HIVEP2: variants seen among roughly 807,000 people sequenced by gnomAD.
HIVEP2 encodes transcription factor HIVEP2.
In HIVEP2, 14 loss-of-function variants were observed where a neutral mutation model predicts 180.7. The observed-to-expected ratio is 0.08, with a 90% CI of 0.05 to 0.12. HIVEP2 has a LOEUF of 0.12. Ranked by LOEUF, HIVEP2 falls within the 10% of genes least tolerant of loss-of-function variation. The probability of loss-of-function intolerance (pLI) is 1.00; values close to 1 mark genes in which losing one functional copy is unlikely to be tolerated. For missense variants in HIVEP2, 2,579 were observed against 3,008.5 expected, an observed-to-expected ratio of 0.86 and a Z score of 3.34; for synonymous variants, 1,184 against 1,136.4, an observed-to-expected ratio of 1.04 and a Z score of -0.84.
intron 2 of HIVEP2, among the ~76,000 whole-genome samples, chr6:142,798,754 A>T (rs1056565589): frequency 1.1e-4 from 16 of 152,130 alleles, no homozygotes; most frequent in Admixed American, 1.0e-3. Context: ...ACAATTCACC[A>T]GCTATGAGAT....
At chr6:142,906,646 G>A (rs945986784) in intron 1 of HIVEP2, among the ~76,000 whole-genome samples, 5 of 151,890 alleles carry the variant, frequency 3.3e-5, no homozygotes, top group Non-Finnish European at 5.9e-5. Context: ...GCAATAAGGG[G>A]ATTTTTAGAA....
At chr6:142,924,264 C>T (rs190129876) in intron 1 of HIVEP2, among the ~76,000 whole-genome samples, 6 of 152,158 alleles carry the variant, frequency 3.9e-5, no homozygotes, top group African/African-American at 9.6e-5. Flanking sequence ...AAATTATGAC[C>T]GAAGACTACA....
intron 1 of HIVEP2, among the ~76,000 whole-genome samples, chr6:142,869,396 A>G (rs1238078861): frequency 6.6e-6 from 1 of 152,244 alleles, no homozygotes; most frequent in Non-Finnish European, 1.5e-5. Flanking sequence ...TATAGTATCA[A>G]CTATGTACAA....
At chr6:142,904,777 G>A (rs1777221870) in intron 1 of HIVEP2, among the ~76,000 whole-genome samples, 1 of 152,110 alleles carries the variant, frequency 6.6e-6, no homozygotes, top group African/African-American at 2.4e-5. Context: ...AGCAAGATCA[G>A]TTTATTATCC....
chr6:142,861,927 G>A (rs2114957605), intron 1 of HIVEP2, among the ~76,000 whole-genome samples: 1 of 152,302 alleles, frequency 6.6e-6, no homozygotes, highest in Admixed American at 6.5e-5. Context: ...GCTGCAGGAA[G>A]ATGGGGGAAA....
At chr6:142,783,326 CAAAAAA>C (rs567202980) in intron 3 of HIVEP2, among the ~76,000 whole-genome samples, 189 bp downstream of exon 3, 3 of 71,068 alleles carry the variant, frequency 4.2e-5, no homozygotes, top group Non-Finnish European at 7.4e-5. Context: ...GACTCCGTCA[CAAAAAA>C]AAAAAAAAAA....
chr6:142,793,429 GGAAATT>G (rs1776188250), intron 2 of HIVEP2, among the ~76,000 whole-genome samples: 1 of 151,992 alleles, frequency 6.6e-6, no homozygotes. Flanking sequence ...ATTTAACAAA[GGAAATT>G]GATGACGATA....
At chr6:142,916,223 T>C (rs1156272162) in intron 1 of HIVEP2, among the ~76,000 whole-genome samples, 1 of 152,248 alleles carries the variant, frequency 6.6e-6, no homozygotes, top group Non-Finnish European at 1.5e-5. Context: ...GATCCAATCT[T>C]GCCACCCTCC....
At chr6:142,868,050 A>C (rs1283473675) in intron 1 of HIVEP2, among the ~76,000 whole-genome samples, 1 of 152,194 alleles carries the variant, frequency 6.6e-6, no homozygotes, top group Non-Finnish European at 1.5e-5. Flanking sequence ...TATGCATATA[A>C]TCTTAAAACT....
intron 1 of HIVEP2, among the ~76,000 whole-genome samples, chr6:142,896,982 T>C (rs1025631456): frequency 7.2e-5 from 11 of 152,196 alleles, no homozygotes; most frequent in African/African-American, 2.7e-4. Flanking sequence ...TGTTCTCTTC[T>C]CTACCTCCAC....
intron 1 of HIVEP2, among the ~76,000 whole-genome samples, chr6:142,873,255 GA>G (rs997721370): frequency 2.2e-4 from 34 of 151,790 alleles, no homozygotes; most frequent in African/African-American, 8.0e-4. Flanking sequence ...CTACTCACTA[GA>G]AAAAAAATGG....
chr6:142,780,321 T>A (rs1435318480), intron 3 of HIVEP2, among the ~76,000 whole-genome samples: 1 of 152,214 alleles, frequency 6.6e-6, no homozygotes, highest in Non-Finnish European at 1.5e-5. Context: ...CAGGGACCCC[T>A]CCTCTGATCC....
At chr6:142,798,570 G>A (rs1460256472) in intron 2 of HIVEP2, among the ~76,000 whole-genome samples, 1 of 152,116 alleles carries the variant, frequency 6.6e-6, no homozygotes, top group Non-Finnish European at 1.5e-5. Flanking sequence ...GAAATAGCAA[G>A]GTTGTACAGT....
chr6:142,836,231 C>T (rs1445041835), intron 2 of HIVEP2, among the ~76,000 whole-genome samples: 1 of 152,016 alleles, frequency 6.6e-6, no homozygotes, highest in African/African-American at 2.4e-5. Flanking sequence ...TTACCAAGCC[C>T]TAAAATCAGT....
chr6:142,796,476 T>C (rs1309276113), intron 2 of HIVEP2, among the ~76,000 whole-genome samples: 1 of 152,194 alleles, frequency 6.6e-6, no homozygotes, highest in Non-Finnish European at 1.5e-5. Flanking sequence ...GAAAAAATGT[T>C]ATTAAGAAAA....
chr6:142,902,093 TC>T (rs1158229060), intron 1 of HIVEP2, among the ~76,000 whole-genome samples: 2 of 152,150 alleles, frequency 1.3e-5, no homozygotes, highest in Non-Finnish European at 2.9e-5. Flanking sequence ...TGTAGATATT[TC>T]CTCCCTTCAA....
At chr6:142,869,038 A>T (rs1297282120) in intron 1 of HIVEP2, among the ~76,000 whole-genome samples, 1 of 152,150 alleles carries the variant, frequency 6.6e-6, no homozygotes, top group East Asian at 1.9e-4. Context: ...TTTGCCCCCT[A>T]GGGGATATTT....
At chr6:142,827,197 T>C (rs1157826195) in intron 2 of HIVEP2, among the ~76,000 whole-genome samples, 7 of 152,196 alleles carry the variant, frequency 4.6e-5, no homozygotes, top group Admixed American at 4.6e-4. Flanking sequence ...TCAAGCCCGG[T>C]TGGCTATATA....
chr6:142,763,274 G>A (rs998419382), intron 7 of HIVEP2, among the ~76,000 whole-genome samples: 1 of 152,098 alleles, frequency 6.6e-6, no homozygotes, highest in Non-Finnish European at 1.5e-5. Flanking sequence ...GGCGGGGGAG[G>A]CCCCTGAAGA....
Sources: allele counts gnomAD v4.1 joint callset (sites outside exome capture counted in the v4.1 genomes callset), GRCh38; gene constraint gnomAD v4.1.1; transcripts MANE v1.5; gene names NCBI Gene and HGNC (gene_info 2026-07-23, HGNC 2026-07-21).